PARP4: variants seen among roughly 807,000 people sequenced by gnomAD.
The protein encoded by PARP4 is poly(ADP-ribose) polymerase family member 4, also known as protein mono-ADP-ribosyltransferase PARP4.
Under a neutral mutation model 187.7 loss-of-function variants are expected in PARP4, and 120 were observed. The ratio of observed to expected loss-of-function variants is 0.64; its 90% CI spans 0.55 to 0.74. The LOEUF (loss-of-function observed/expected upper bound fraction) is 0.74. Among genes scored for constraint, PARP4 ranks in the 30% least tolerant of loss-of-function variants. The probability of loss-of-function intolerance (pLI) is 0.00; values close to 1 mark genes in which losing one functional copy is unlikely to be tolerated. For missense variants in PARP4, 1,836 were observed against 2,070.5 expected (o/e 0.89, Z 2.20); for synonymous variants, 654 against 740.9 (o/e 0.88, Z 1.90).
intron 32 of PARP4, among the ~76,000 whole-genome samples, chr13:24,430,718 G>C (rs141475280): frequency 0.024 from 3,631 of 151,986 alleles, 75 homozygotes; most frequent in African/African-American, 0.064. Flanking sequence ...ACCACTTGCT[G>C]GGTCAAGGAT....
intron 10 of PARP4, among the ~76,000 whole-genome samples, chr13:24,489,084 T>G (rs1868479333): frequency 1.3e-5 from 2 of 152,348 alleles, no homozygotes; most frequent in South Asian, 4.1e-4. Flanking sequence ...ACCTTTTGGC[T>G]GTTGTGAATA....
chr13:24,486,565 C>T (rs1873567853), intron 10 of PARP4, among the ~76,000 whole-genome samples: 1 of 151,958 alleles, frequency 6.6e-6, no homozygotes, highest in Non-Finnish European at 1.5e-5. Context: ...TAGTATTATC[C>T]CAATTTTGTC....
intron 6 of PARP4, among the ~76,000 whole-genome samples, chr13:24,495,090 A>G (rs1414211115): frequency 6.6e-6 from 1 of 152,026 alleles, no homozygotes; most frequent in African/African-American, 2.4e-5. Context: ...GTTGGCTTGA[A>G]TAACTCTTGA....
rs139480716 is a variant in PARP4 at position 24,452,887 on chromosome 13, G to A, written c.2827-294C>T. Reference sequence around the variant, plus strand: ...CCCTGGATTTGCCAGCCTGGCTGAGGCAGCTGGTCAGTCTCAGCTTGCTCA... The same window carrying A: ...CCCTGGATTTGCCAGCCTGGCTGAGACAGCTGGTCAGTCTCAGCTTGCTCA... On this transcript the variant is annotated intron_variant, in intron 23 of 33. Transcript: ENST00000381989. 2.9e-3 allele frequency among the ~76,000 whole-genome samples: 445 copies of A among 152,266 alleles called. 3 individuals are homozygous for A. The Middle Eastern group carries it at 0.038, about 13-fold the overall frequency.
rs1870057080 is a variant in PARP4 at position 24,426,495 on chromosome 13, C to T, written c.4950G>A (p.Leu1650=). The T allele has an allele frequency of 6.2e-7, 1 of 1,611,802 alleles. No individual in the cohort carries two copies. The highest frequency in any genetic ancestry group is 1.3e-5 in the African/African-American group (1 of 74,814). ...LEKEGIVFKS[L]MKMDDASISR... ...AAATAGAAGCGTCATCCATTTTCAT[C>T]AGTGATTTGAACACTATTCCCTCTT... Residue 1650 remains leucine, a synonymous_variant, in exon 33 of 34, where the codon CTG becomes CTA. Coordinates refer to ENST00000381989, the MANE Select transcript of PARP4 (RefSeq NM_006437.4).
At chr13:24,473,308 C>T (rs143841106) in intron 15 of PARP4, among the ~76,000 whole-genome samples, 2,061 of 152,238 alleles carry the variant, frequency 0.014, 18 homozygotes, top group Middle Eastern at 0.024. Flanking sequence ...TCATCTCTCT[C>T]TGGGAAGAAA....
chr13:24,460,069 A>C lies in PARP4; in HGVS notation c.2201T>G (p.Ile734Ser). 6.2e-7 allele frequency: 1 copy of C among 1,613,996 alleles called. No individual in the cohort carries two copies. The highest frequency in any genetic ancestry group is 2.2e-5 in the East Asian group (1 of 44,878). The part of the protein sequence containing the change: ...KAKVLIKITY[I>S]TELSILGTVG... ...AGTGCCCAGGATGCTGAGTTCTGTG[A>C]TGTAGGTAATTTTTATAAGAACCTT... The change falls in exon 18 of 34, where the codon ATC becomes AGC. Residue 734 changes from isoleucine to serine, a missense_variant. Ile to Ser is a moderately radical substitution (Grantham distance 142, BLOSUM62 -2). Transcript: ENST00000381989.
At chr13:24,483,816 G>A (rs1468899567) in intron 12 of PARP4, among the ~76,000 whole-genome samples, 4 of 152,128 alleles carry the variant, frequency 2.6e-5, no homozygotes, top group Non-Finnish European at 5.9e-5. Context: ...TATTAGAGAT[G>A]GGGTTTCGCC....
At chr13:24,509,568 T>TA (rs1307408444) in intron 1 of PARP4, among the ~76,000 whole-genome samples, 1 of 152,102 alleles carries the variant, frequency 6.6e-6, no homozygotes, top group Non-Finnish European at 1.5e-5. Context: ...TTAATGTATG[T>TA]AAATTGTACC....
At chr13:24,421,893 A>T (rs2137424279) in intron 33 of PARP4, among the ~76,000 whole-genome samples, 1 of 152,388 alleles carries the variant, frequency 6.6e-6, no homozygotes, top group South Asian at 2.1e-4. Flanking sequence ...CAACACTCAG[A>T]AAAATTCTGA....
intron 23 of PARP4, among the ~76,000 whole-genome samples, chr13:24,453,070 G>A (rs1871614666): frequency 6.6e-6 from 1 of 152,090 alleles, no homozygotes; most frequent in South Asian, 2.1e-4. Context: ...AAGTGGCTGG[G>A]ATTACAGGTG....
At chr13:24,425,089 T>G (rs9581028) in intron 33 of PARP4, among the ~76,000 whole-genome samples, 65,244 of 151,414 alleles carry the variant, frequency 0.43, 14,776 homozygotes, top group African/African-American at 0.58. Flanking sequence ...ATTGCTTGAG[T>G]TCAGGAGTTC....
Position 24,455,480 on chromosome 13 carries a change from A to AATATAAAT in PARP4, c.2563-269_2563-268insATTTATAT, listed in dbSNP as rs150244666. ...CATATAGCATCAACATTATGGAACA[A>AATATAAAT]ATATATATATATATATATATATATA... On this transcript the variant is annotated intron_variant, in intron 21 of 33. Coordinates refer to ENST00000381989, the MANE Select transcript of PARP4 (RefSeq NM_006437.4). 9.2e-5 allele frequency among the ~76,000 whole-genome samples: 10 copies of AATATAAAT among 108,430 alleles called. No individual in the cohort carries two copies. The East Asian group carries it at 1.7e-3, about 18-fold the overall frequency. 71.1% of individuals were successfully genotyped at this position (108,430 alleles called of 152,430 possible).
intron 1 of PARP4, among the ~76,000 whole-genome samples, chr13:24,507,895 C>A (rs1336342446): frequency 2.6e-5 from 4 of 152,192 alleles, no homozygotes; most frequent in Non-Finnish European, 5.9e-5. Flanking sequence ...CCAGCCCTTC[C>A]TCACCCCATG....
chr13:24,466,341 C>A (rs1171324273), intron 17 of PARP4, among the ~76,000 whole-genome samples: 2 of 152,106 alleles, frequency 1.3e-5, no homozygotes, highest in African/African-American at 4.8e-5. Context: ...ATCACCACAC[C>A]CAGCTAATTT....
In PARP4 at chr13:24,478,226, AGGAGTCT is replaced by A. The variant is rs757745732; in HGVS notation, c.1492_1498del (p.Arg498CysfsTer6). 1.2e-6 allele frequency: 2 copies of A among 1,613,478 alleles called. No homozygotes were observed. Among genetic ancestry groups the A allele is most frequent in the South Asian group, 2.2e-5 (2 of 90,960 alleles). On this transcript the variant is annotated frameshift_variant, in exon 13 of 34. Transcript: ENST00000381989. LOFTEE classifies it high-confidence loss of function. ...TCCGAGGGCTACGTCACAAATGAGC[AGGAGTCT>A]GGTGCCATCTGTCTCTCCCGGGTGT...
At chr13:24,483,274 C>T (rs1873373586) in intron 12 of PARP4, among the ~76,000 whole-genome samples, 1 of 151,544 alleles carries the variant, frequency 6.6e-6, no homozygotes, top group South Asian at 2.1e-4. Flanking sequence ...ATCATGAGGT[C>T]AGGAGATCGA....
At chr13:24,477,108 G>A (rs1873025857) in intron 14 of PARP4, among the ~76,000 whole-genome samples, 2 of 152,290 alleles carry the variant, frequency 1.3e-5, no homozygotes, top group South Asian at 4.1e-4. Context: ...TTCCTGAAGC[G>A]AATAAGCTCA....
chr13:24,420,956 C>T lies in PARP4; in HGVS notation c.*163G>A, dbSNP rs1593577183. 1.4e-6 allele frequency: 1 copy of T among 690,408 alleles called. No individual in the cohort carries two copies. The highest frequency in any genetic ancestry group is 2.0e-6 in the Non-Finnish European group (1 of 505,060). The allele number at this position is 690,408 out of a possible 1,614,324, so 42.8% of individuals were successfully genotyped here. The stretch of plus-strand genomic sequence containing the variant: ...TATTTTAAGTTTCATTTTATTATTG[C>T]TTGTTAGTTGATTAAAGTAATTCTT... On this transcript the variant is annotated 3_prime_UTR_variant, in exon 34 of 34. Coordinates refer to ENST00000381989, the MANE Select transcript of PARP4 (RefSeq NM_006437.4).
Sources: allele counts gnomAD v4.1 joint callset (sites outside exome capture counted in the v4.1 genomes callset), GRCh38; gene constraint gnomAD v4.1.1; transcripts MANE v1.5; gene names NCBI Gene and HGNC (gene_info 2026-07-23, HGNC 2026-07-21).